FOCAD: variants seen among roughly 807,000 people sequenced by gnomAD.
FOCAD encodes the protein KIAA1797.
In FOCAD, 198 loss-of-function variants were observed where a neutral mutation model predicts 225.6. The observed-to-expected ratio is 0.88, with a 90% CI of 0.78 to 0.99. The LOEUF (loss-of-function observed/expected upper bound fraction) is 0.99. FOCAD is among the 50% of genes least tolerant of loss of function. FOCAD has a pLI of 0.00. For synonymous variants in FOCAD, 897 were observed against 755.0 expected, an observed-to-expected ratio of 1.19 and a Z score of -3.08; for missense variants, 2,713 against 2,123.6, an observed-to-expected ratio of 1.28 and a Z score of -5.46.
chr9:20,744,506 A>C (rs1224339449), intron 5 of FOCAD, among the ~76,000 whole-genome samples: 5 of 152,198 alleles, frequency 3.3e-5, no homozygotes, highest in African/African-American at 1.2e-4. Context: ...AGTGCAGTAC[A>C]TTTGGCTACT....
At chr9:20,958,372 T>G (rs911643032) in intron 35 of FOCAD, among the ~76,000 whole-genome samples, 5 of 148,360 alleles carry the variant, frequency 3.4e-5, no homozygotes, top group Admixed American at 1.3e-4. Flanking sequence ...AAGAGGTTGG[T>G]TTTTTTTTTA....
intron 11 of FOCAD, among the ~76,000 whole-genome samples, chr9:20,795,672 T>A (rs1364604247): frequency 2.0e-5 from 3 of 150,360 alleles, no homozygotes; most frequent in African/African-American, 7.4e-5. Context: ...TAGTCCCAGC[T>A]ACTCGGGAGT....
At chr9:20,915,381 T>C (rs916682662) in intron 23 of FOCAD, among the ~76,000 whole-genome samples, 2 of 151,994 alleles carry the variant, frequency 1.3e-5, no homozygotes, top group African/African-American at 4.8e-5. Flanking sequence ...ATCAGTGACG[T>C]AGAAAGAGAA....
chr9:20,914,202 TAAGTA>T (rs1447981744), intron 23 of FOCAD, among the ~76,000 whole-genome samples: 1 of 152,162 alleles, frequency 6.6e-6, no homozygotes, highest in Admixed American at 6.5e-5. Context: ...ATCCCAAATC[TAAGTA>T]AAGTCATCAC....
intron 2 of FOCAD, chr9:20,716,257 A>C: frequency 2.8e-6 from 1 of 354,966 alleles, no homozygotes; most frequent in Non-Finnish European, 6.8e-6. Flanking sequence ...TCACAGTTTT[A>C]TTTTTCTGTG....
At chr9:20,810,697 G>T (rs981871788) in intron 11 of FOCAD, among the ~76,000 whole-genome samples, 2 of 151,912 alleles carry the variant, frequency 1.3e-5, no homozygotes, top group African/African-American at 4.8e-5. Flanking sequence ...TTCTTATACT[G>T]TTTTCTAAAT....
At chr9:20,836,083 C>G (rs1359754711) in intron 15 of FOCAD, among the ~76,000 whole-genome samples, 1 of 152,010 alleles carries the variant, frequency 6.6e-6, no homozygotes, top group Non-Finnish European at 1.5e-5. Context: ...TGCCCTCTCT[C>G]ATCATCCTAA....
chr9:20,877,962 C>G (rs147747023), intron 19 of FOCAD, among the ~76,000 whole-genome samples: 1 of 152,208 alleles, frequency 6.6e-6, no homozygotes, highest in Non-Finnish European at 1.5e-5. Flanking sequence ...TATGCAGTCA[C>G]TCAAAGAATT....
chr9:20,785,721 T>C (rs1819849920), intron 10 of FOCAD, among the ~76,000 whole-genome samples: 1 of 152,188 alleles, frequency 6.6e-6, no homozygotes. Flanking sequence ...ATCATTCATG[T>C]ATCAGTTTTT....
intron 24 of FOCAD, among the ~76,000 whole-genome samples, chr9:20,920,978 AAAATAAAT>A (rs917613120): frequency 1.8e-4 from 27 of 151,452 alleles, no homozygotes; most frequent in East Asian, 1.2e-3. Context: ...ATAAAATTAA[AAAATAAAT>A]AAATAAATAA....
chr9:20,845,938 G>T (rs1412443), intron 15 of FOCAD, among the ~76,000 whole-genome samples: 78,286 of 151,906 alleles, frequency 0.52, 20,780 homozygotes, highest in East Asian at 0.67. Flanking sequence ...ATGATGCATT[G>T]AAATAAATGT....
chr9:20,989,895 A>G (rs1841495695), intron 41 of FOCAD, among the ~76,000 whole-genome samples: 1 of 152,158 alleles, frequency 6.6e-6, no homozygotes, highest in Non-Finnish European at 1.5e-5. Flanking sequence ...GCCTTCACAT[A>G]AAGGGACTTC....
chr9:20,816,233 G>C (rs751018365), intron 11 of FOCAD, among the ~76,000 whole-genome samples: 1 of 152,066 alleles, frequency 6.6e-6, no homozygotes, highest in Non-Finnish European at 1.5e-5. Flanking sequence ...AAATACACTA[G>C]TTTATAAAAT....
upstream of FOCAD, among the ~76,000 whole-genome samples, chr9:20,656,905 G>C (rs1019286152): frequency 6.6e-6 from 1 of 151,866 alleles, no homozygotes; most frequent in Non-Finnish European, 1.5e-5. Flanking sequence ...TGATTTTGCA[G>C]CGGCTGGTAC....
chr9:20,957,378 A>T (rs1838255828), intron 35 of FOCAD: 1 of 152,042 alleles, frequency 6.6e-6, no homozygotes, highest in African/African-American at 2.4e-5. Flanking sequence ...TTTTTAAATG[A>T]CTATAGAATA....
intron 8 of FOCAD, among the ~76,000 whole-genome samples, chr9:20,770,693 A>C (rs1818127313): frequency 6.6e-6 from 1 of 152,156 alleles, no homozygotes; most frequent in African/African-American, 2.4e-5. Context: ...GTCAGTTATC[A>C]CTCAAGTGAG....
At chr9:20,729,432 C>T (rs982303283) in intron 4 of FOCAD, among the ~76,000 whole-genome samples, 8 of 152,254 alleles carry the variant, frequency 5.3e-5, no homozygotes, top group Middle Eastern at 3.4e-3. Flanking sequence ...ATTGGATTTA[C>T]GACCCACCTA....
At chr9:20,981,177 CA>C (rs1840664345) in intron 37 of FOCAD, among the ~76,000 whole-genome samples, 1 of 152,168 alleles carries the variant, frequency 6.6e-6, no homozygotes, top group African/African-American at 2.4e-5. Flanking sequence ...CTGAGTAGTT[CA>C]CAGATGGGTT....
At chr9:20,977,001 C>A (rs1377775754) in intron 36 of FOCAD, among the ~76,000 whole-genome samples, 1 of 152,142 alleles carries the variant, frequency 6.6e-6, no homozygotes, top group Non-Finnish European at 1.5e-5. Flanking sequence ...ATGTTTCTCA[C>A]CAGCCTAAGA....
Sources: allele counts gnomAD v4.1 joint callset (sites outside exome capture counted in the v4.1 genomes callset), GRCh38; gene constraint gnomAD v4.1.1; transcripts MANE v1.5; gene names NCBI Gene and HGNC (gene_info 2026-07-23, HGNC 2026-07-21).